The following LAMA3 variants were observed in gnomAD, a reference collection of about 807,000 sequenced individuals.
LAMA3 encodes laminin subunit alpha-3.
LAMA3 carries 281 observed loss-of-function variants against 402.0 expected under a neutral mutation model. That is an observed-to-expected ratio of 0.70 (90% CI 0.63 to 0.77). The LOEUF is 0.77. Ranked by LOEUF, LAMA3 falls within the 30% of genes least tolerant of loss-of-function variation. The probability of loss-of-function intolerance (pLI) is 0.00; values close to 1 mark genes in which losing one functional copy is unlikely to be tolerated. For synonymous variants in LAMA3, 1,431 were observed against 1,558.4 expected (o/e 0.92, Z 1.93); for missense variants, 3,840 against 4,215.5 (o/e 0.91, Z 2.47).
rs1039213514 is a variant in LAMA3 at position 23,846,575 on chromosome 18, A to G, written c.3931+67A>G. On this transcript the variant is annotated intron_variant, in intron 31 of 74. Coordinates refer to ENST00000313654, the MANE Select transcript of LAMA3 (RefSeq NM_198129.4). The stretch of plus-strand genomic sequence containing the variant: ...CGTGTGGATGATGCTTACCAGGAGC[A>G]GGCTTCTTCAGTGGCACTGTGCTAG... 9.9e-6 allele frequency: 14 copies of G among 1,413,506 alleles called. No homozygotes were observed. The African/African-American group carries it at 1.8e-4, about 19-fold the overall frequency. 87.6% of individuals were successfully genotyped at this position (1,413,506 alleles called of 1,614,324 possible). A position where few individuals can be genotyped will look rare whatever the true frequency, so the allele number is the denominator to read the frequency against.
At chr18:23,782,718 G>A (rs2062460829) in intron 11 of LAMA3, among the ~76,000 whole-genome samples, 1 of 151,554 alleles carries the variant, frequency 6.6e-6, no homozygotes, top group Admixed American at 6.6e-5. Context: ...TTGAAATCTG[G>A]CAGTTCTGGG....
chr18:23,907,362 T>C (rs1026384041), intron 52 of LAMA3, among the ~76,000 whole-genome samples, 188 bp from the exon 53 acceptor site: 9 of 152,206 alleles, frequency 5.9e-5, no homozygotes, highest in African/African-American at 1.9e-4. Context: ...GATTTGCTGC[T>C]GACCTCTGTA....
At chr18:23,696,127 G>C (rs1250431752) in intron 1 of LAMA3, among the ~76,000 whole-genome samples, 1 of 152,230 alleles carries the variant, frequency 6.6e-6, no homozygotes, top group Non-Finnish European at 1.5e-5. Context: ...TTGTGTGCAT[G>C]AAAGACATTG....
chr18:23,781,036 G>A (rs778766751), intron 11 of LAMA3, among the ~76,000 whole-genome samples: 2 of 152,122 alleles, frequency 1.3e-5, no homozygotes, highest in African/African-American at 2.4e-5. Flanking sequence ...CAGTAGAGAC[G>A]GACTCAAGGG....
intron 1 of LAMA3, among the ~76,000 whole-genome samples, chr18:23,690,227 G>T (rs898939932): frequency 2.0e-5 from 3 of 152,204 alleles, no homozygotes; most frequent in Admixed American, 6.5e-5. Flanking sequence ...GGTCAGGTTC[G>T]GGCTGGTGGA....
At chr18:23,764,143 G>C (rs1244596262) in intron 8 of LAMA3, among the ~76,000 whole-genome samples, 1 of 152,208 alleles carries the variant, frequency 6.6e-6, no homozygotes, top group African/African-American at 2.4e-5. Flanking sequence ...TTTTGTTAAT[G>C]TTACCACTGA....
At chr18:23,916,013 AAAAAAAAAAAAAAAAAAAG>A (rs2081602247) in intron 59 of LAMA3, among the ~76,000 whole-genome samples, 3 of 84,904 alleles carry the variant, frequency 3.5e-5, no homozygotes, top group East Asian at 5.0e-4. Flanking sequence ...CTCCAAAAAA[AAAAAAAAAAAAAAAAAAAG>A]AAAAGAAAAG....
chr18:23,830,670 C>A (rs1055430010), intron 23 of LAMA3, among the ~76,000 whole-genome samples: 47 of 152,202 alleles, frequency 3.1e-4, no homozygotes, highest in African/African-American at 1.1e-3. Flanking sequence ...CCTCTCTCAC[C>A]GCTTCCTCAA....
rs116787606 is a variant in LAMA3, at chr18:23,837,659, T to A, written c.3093+570T>A. ...AATCTTCATGCCCACCCTTGTAATG[T>A]CATGACTTGAACATTGAGTATTCTG... On this transcript the variant is annotated intron_variant, in intron 25 of 74. Transcript: ENST00000313654. 5.5e-3 allele frequency among the ~76,000 whole-genome samples: 812 copies of A among 147,924 alleles called. 10 individuals are homozygous for A. Among genetic ancestry groups the A allele is most frequent in the African/African-American group, 0.019 (761 of 40,250 alleles).
rs747991525 is a variant in LAMA3 at position 23,834,296 on chromosome 18, G to T, written c.2984+308G>T. 3.9e-4 allele frequency: 147 copies of T among 376,716 alleles called. 1 individual carries two copies. Among genetic ancestry groups the T allele is most frequent in the Middle Eastern group, 1.8e-3 (2 of 1,104 alleles). The allele number at this position is 376,716 out of a possible 1,614,324, so 23.3% of individuals were successfully genotyped here. A position where few individuals can be genotyped will look rare whatever the true frequency, so the allele number is the denominator to read the frequency against. On this transcript the variant is annotated intron_variant, in intron 24 of 74. Coordinates refer to ENST00000313654, the MANE Select transcript of LAMA3 (RefSeq NM_198129.4). ...CTCTATCACTCAGGTGCGATGCAAT[G>T]AACTCACTGCTCTCACCTCAAAGGC...
intron 21 of LAMA3, among the ~76,000 whole-genome samples, chr18:23,826,401 A>G (rs2063382729): frequency 6.6e-6 from 1 of 152,236 alleles, no homozygotes; most frequent in African/African-American, 2.4e-5. Flanking sequence ...TTGACAATTT[A>G]TTATCTTTGT....
chr18:23,942,384 C>T (rs2082553656), intron 68 of LAMA3, among the ~76,000 whole-genome samples: 1 of 152,182 alleles, frequency 6.6e-6, no homozygotes, highest in Admixed American at 6.5e-5. Flanking sequence ...CCATAAACCA[C>T]TCAAGGAAGG....
chr18:23,932,459 C>T, intron 66 of LAMA3, 168 bp downstream of exon 66: 1 of 712,506 alleles, frequency 1.4e-6, no homozygotes. Flanking sequence ...CATTAAAAAA[C>T]CCATAAAAAA....
chr18:23,892,399 T>C (rs1481904265), intron 42 of LAMA3, among the ~76,000 whole-genome samples: 3 of 151,972 alleles, frequency 2.0e-5, no homozygotes, highest in Non-Finnish European at 4.4e-5. Flanking sequence ...TTTTTTTTTT[T>C]CTTCAACTAA....
At chr18:23,816,990 G>T (rs193075360) in intron 18 of LAMA3, among the ~76,000 whole-genome samples, 1 of 152,198 alleles carries the variant, frequency 6.6e-6, no homozygotes, top group East Asian at 1.9e-4. Context: ...ACACCCAGGT[G>T]CCTGGGCTAA....
intron 4 of LAMA3, among the ~76,000 whole-genome samples, chr18:23,750,679 A>G (rs1000358878): frequency 1.3e-5 from 2 of 151,978 alleles, no homozygotes; most frequent in African/African-American, 2.4e-5. Context: ...TAATGATAAC[A>G]TCTCCCGAGA....
intron 11 of LAMA3, chr18:23,781,388 C>A (rs182390665): frequency 1.8e-4 from 78 of 433,680 alleles, no homozygotes; most frequent in African/African-American, 1.3e-3. Flanking sequence ...TTTCTTCTAC[C>A]CTCTTAGGTA....
At position 23,920,977 on chromosome 18, in the gene LAMA3, G is replaced by A. The variant is rs200425910; in HGVS notation, c.7966G>A (p.Val2656Met). The A allele has an allele frequency of 2.5e-4, 408 of 1,614,070 alleles. No individual in the cohort carries two copies. The highest frequency in any genetic ancestry group is 3.3e-4 in the Non-Finnish European group (392 of 1,179,968). The change falls in exon 61 of 75, where the codon GTG becomes ATG. Residue 2656 changes from valine to methionine, a missense_variant. Val to Met is a conservative substitution (Grantham distance 21). Around this residue, in one of 3 missense-constraint regions of LAMA3, gnomAD observed 840 missense variants for 981.9 expected, o/e 0.86. Coordinates refer to ENST00000313654, the MANE Select transcript of LAMA3 (RefSeq NM_198129.4). ...SLNIEDGKLM[V>M]RYKLNSELPK... ...AAATATAGAAGATGGCAAGCTCATG[G>A]TGAGATACAAACTGAATTCAGAGCT...
At chr18:23,829,665 G>C (rs2063456075) in intron 23 of LAMA3, among the ~76,000 whole-genome samples, 1 of 152,150 alleles carries the variant, frequency 6.6e-6, no homozygotes, top group African/African-American at 2.4e-5. Flanking sequence ...ACAAGTACAA[G>C]TTTCTTATAT....
Sources: gnomAD v4.1 joint callset for allele counts (sites outside exome capture counted in the v4.1 genomes callset) on GRCh38, gnomAD v4.1.1 for gene constraint, gnomAD v4.1.1 regional missense constraint, MANE v1.5 for transcripts, NCBI Gene and HGNC (gene_info 2026-07-23, HGNC 2026-07-21) for gene names.